ZIC2: variants seen among roughly 807,000 people sequenced by gnomAD.
The protein encoded by ZIC2 is Zic family zinc finger 2, also known as zinc finger protein ZIC 2.
A neutral mutation model predicts 29.5 loss-of-function variants in ZIC2; 7 were observed. The observed-to-expected ratio is 0.24, with a 90% CI of 0.14 to 0.45. ZIC2 has a LOEUF of 0.45. ZIC2 is among the 20% of genes least tolerant of loss of function. ZIC2 has a pLI of 1.00. For synonymous variants in ZIC2, 408 were observed against 354.2 expected, an observed-to-expected ratio of 1.15 and a Z score of -1.70; for missense variants, 589 against 781.2, an observed-to-expected ratio of 0.75 and a Z score of 2.93.
In ZIC2 at chr13:99,984,940, C is replaced by T. The variant is rs1566405631; in HGVS notation, c.1076-6C>T. ...TGCAGCCAGCGCCGATGTTTGCCGT[C>T]CACAGGGGAGAAGCCGTTCCAGTGT... On this transcript the variant is annotated splice_polypyrimidine_tract_variant and splice_region_variant and intron_variant, in intron 1 of 2. Transcript: ENST00000376335. The T allele has an allele frequency of 1.2e-6, 2 of 1,613,932 alleles. No homozygotes were observed. Among genetic ancestry groups the T allele is most frequent in the Admixed American group, 1.7e-5 (1 of 59,998 alleles).
chr13:99,985,601 C>T lies in ZIC2; in HGVS notation c.1518C>T (p.Gly506=), dbSNP rs1594292346. The T allele has an allele frequency of 8.8e-6, 8 of 905,232 alleles. No homozygotes were observed. Among genetic ancestry groups the T allele is most frequent in the East Asian group, 7.8e-5 (1 of 12,764 alleles). The allele number at this position is 905,232 out of a possible 1,614,324, so 56.1% of individuals were successfully genotyped here. The change falls in exon 3 of 3, where the codon GGC becomes GGT. Residue 506 remains glycine (G), a synonymous_variant. Transcript: ENST00000376335. This position sits in a 1 kb window ranked among gnomAD's most constrained non-coding sequence, Gnocchi z 6.3. ...GGGGGGAGGG[G]GGSSGGGSGT... is the part of the protein sequence containing the mutation. The stretch of plus-strand genomic sequence containing the variant: ...GCGGCGGCGGGGCGGGCGGCGGGGG[C>T]GGCGGCAGCTCTGGCGGGGGCAGCG...
chr13:99,985,667 T>A lies in ZIC2; in HGVS notation c.1584T>A (p.Asn528Lys). Residue 528 changes from asparagine (N) to lysine (K), a missense_variant, in exon 3 of 3, where the codon AAT (asparagine) becomes AAA (lysine). Asn to Lys is a moderately conservative substitution (Grantham distance 94, BLOSUM62 0). Coordinates refer to ENST00000376335, the MANE Select transcript of ZIC2 (RefSeq NM_007129.5). This position sits in a 1 kb window ranked among gnomAD's most constrained non-coding sequence, Gnocchi z 6.3. ...ACAGCGGCCTCTCCTCCAACTTCAA[T>A]GAATGGTACGTGTGACGGGTCGGGG... is the stretch of plus-strand genomic sequence containing the variant. ...GGHSGLSSNFNEWYV is the reference protein window; with the variant it reads ...GGHSGLSSNFKEWYV 1 of 1,321,318 alleles carries A rather than the reference T, an allele frequency of 7.6e-7. No homozygotes were observed. Among genetic ancestry groups the A allele is most frequent in the Non-Finnish European group, 9.9e-7 (1 of 1,013,028 alleles). The allele number at this position is 1,321,318 out of a possible 1,614,324, so 81.8% of individuals were successfully genotyped here.
Position 99,985,324 on chromosome 13 carries a change from T to C in ZIC2, c.1241T>C (p.Val414Ala), listed in dbSNP as rs1162307061. The C allele has an allele frequency of 1.3e-6, 2 of 1,598,132 alleles. No individual in the cohort carries two copies. The highest frequency in any genetic ancestry group is 2.7e-5 in the African/African-American group (2 of 74,848). Residue 414 changes from valine (V) to alanine (A), a missense_variant and splice_region_variant, in exon 3 of 3, where the codon GTC (valine) becomes GCC (alanine). Coordinates refer to ENST00000376335, the MANE Select transcript of ZIC2 (RefSeq NM_007129.5). The surrounding 1 kb of genome is among the most constrained non-coding windows in gnomAD (Gnocchi z 6.3). ...HPSSLRKHMK[V>A]HESSPQGSES... is the part of the protein sequence containing the mutation. Reference sequence around the variant, plus strand: ...CCCCTCCCGGCTTTTGTCTTGCAGGTCCATGAGTCCTCCCCGCAGGGCTCT... The same window carrying C: ...CCCCTCCCGGCTTTTGTCTTGCAGGCCCATGAGTCCTCCCCGCAGGGCTCT...
chr13:99,984,870 A>G (rs2053255611), intron 1 of ZIC2, 76 bp from the exon 2 acceptor site: 1 of 1,603,406 alleles, frequency 6.2e-7, no homozygotes, highest in Non-Finnish European at 8.5e-7. Flanking sequence ...GCCGCGGCCC[A>G]GCCCCCTCGC....
chr13:99,983,231 G>T lies in ZIC2; in HGVS notation c.1075+92G>T, dbSNP rs1224258086. 9.3e-6 allele frequency: 14 copies of T among 1,512,830 alleles called. No individual in the cohort carries two copies. The South Asian group carries it at 1.6e-4, about 18-fold the overall frequency. 93.7% of individuals were successfully genotyped at this position (1,512,830 alleles called of 1,614,324 possible). A position where few individuals can be genotyped will look rare whatever the true frequency, so the allele number is the denominator to read the frequency against. On this transcript the variant is annotated intron_variant, in intron 1 of 2. Transcript: ENST00000376335. This position sits in a 1 kb window ranked among gnomAD's most constrained non-coding sequence, Gnocchi z 4.7. Reference sequence around the variant, plus strand: ...TGGGTGCCGACGCTGGGCGCAGACCGCCAGCCGGGGACCTGGGATGGGAGG... The same window carrying T: ...TGGGTGCCGACGCTGGGCGCAGACCTCCAGCCGGGGACCTGGGATGGGAGG...
chr13:99,985,598 G>GGGCGGCGGC lies in ZIC2; in HGVS notation c.1516_1524dup (p.Gly506_Gly508dup), dbSNP rs2053263380. 9.6e-7 allele frequency: 1 copy of GGGCGGCGGC among 1,044,326 alleles called. No individual in the cohort carries two copies. Among genetic ancestry groups the GGGCGGCGGC allele is most frequent in the Admixed American group, 5.6e-5 (1 of 17,906 alleles). 64.7% of individuals were successfully genotyped at this position (1,044,326 alleles called of 1,614,324 possible). A position where few individuals can be genotyped will look rare whatever the true frequency, so the allele number is the denominator to read the frequency against. On this transcript the variant is annotated inframe_insertion, in exon 3 of 3. Coordinates refer to ENST00000376335, the MANE Select transcript of ZIC2 (RefSeq NM_007129.5). This position sits in a 1 kb window ranked among gnomAD's most constrained non-coding sequence, Gnocchi z 6.3. Reference sequence around the variant, plus strand: ...GGGGCGGCGGCGGGGCGGGCGGCGGGGGCGGCGGCAGCTCTGGCGGGGGCA... The same window carrying GGGCGGCGGC: ...GGGGCGGCGGCGGGGCGGGCGGCGGGGGCGGCGGCGGCGGCGGCAGCTCTGGCGGGGGCA...
rs554801676 is a variant in ZIC2, at chr13:99,982,616, C to T, written c.552C>T (p.Pro184=). The T allele has an allele frequency of 1.1e-4, 182 of 1,589,902 alleles. No homozygotes were observed. Among genetic ancestry groups the T allele is most frequent in the South Asian group, 5.7e-4 (51 of 89,792 alleles). The part of the protein sequence containing the change: ...VLNGQMRLGL[P]GEVFGRSEQY... ...ACGGGCAGATGCGCCTCGGGCTGCC[C>T]GGCGAGGTGTTCGGGCGCTCGGAGC... Residue 184 remains proline, a synonymous_variant, in exon 1 of 3, where the codon CCC becomes CCT. Transcript: ENST00000376335.
rs564858875 is a variant in ZIC2 at position 99,982,784 on chromosome 13, C to G, written c.720C>G (p.Pro240=). The G allele has an allele frequency of 3.1e-6, 5 of 1,608,528 alleles. No individual in the cohort carries two copies. The African/African-American group carries it at 4.0e-5, about 13-fold the overall frequency. Residue 240 remains proline (P), a synonymous_variant, in exon 1 of 3, where the codon CCC becomes CCG. Transcript: ENST00000376335. ...ACCACCACCACCACCACCACCACCC[C>G]GGTGCCTTTTTCCGCTATATGCGGC... ...AHHHHHHHHH[P]GAFFRYMRQQ...
At position 99,981,791 on chromosome 13, in the gene ZIC2, TCTCCTCCTCCACCTC is replaced by T; in HGVS notation, c.-263_-249del. The T allele has an allele frequency of 1.8e-6, 1 of 563,344 alleles. No homozygotes were observed. Among genetic ancestry groups the T allele is most frequent in the Non-Finnish European group, 2.9e-6 (1 of 345,922 alleles). The allele number at this position is 563,344 out of a possible 1,614,324, so 34.9% of individuals were successfully genotyped here. On this transcript the variant is annotated 5_prime_UTR_variant, in exon 1 of 3. Coordinates refer to ENST00000376335, the MANE Select transcript of ZIC2 (RefSeq NM_007129.5). ...GGTTCTCCGCCTGGCTTTGGACTCT[TCTCCTCCTCCACCTC>T]CTCCTCCTCCTCCCGCGCCGCCGCC...
rs374389316 is a variant in ZIC2, at chr13:99,983,027, C to A, written c.963C>A (p.Val321=). 5.6e-6 allele frequency: 9 copies of A among 1,614,054 alleles called. No homozygotes were observed. The highest frequency in any genetic ancestry group is 6.8e-6 in the Non-Finnish European group (8 of 1,180,044). Residue 321 remains valine, a synonymous_variant, in exon 1 of 3, where the codon GTC becomes GTA. Transcript: ENST00000376335. This position sits in a 1 kb window ranked among gnomAD's most constrained non-coding sequence, Gnocchi z 4.7. ...GKPFKAKYKL[V]NHIRVHTGEK... is the part of the protein sequence containing the mutation. ...CCTTCAAGGCCAAATACAAACTGGTCAACCACATCCGCGTGCACACAGGCG... is the reference window on the plus strand; with the variant it reads ...CCTTCAAGGCCAAATACAAACTGGTAAACCACATCCGCGTGCACACAGGCG...
intron 1 of ZIC2, chr13:99,984,487 G>A (rs1204533782): frequency 2.1e-5 from 5 of 236,706 alleles, no homozygotes; most frequent in Non-Finnish European, 4.2e-5. Flanking sequence ...TCCACAGCCC[G>A]GCCCCCAAAC....
rs1297320918 is a variant in ZIC2 at position 99,986,202 on chromosome 13, T to A, written c.*520T>A. On this transcript the variant is annotated 3_prime_UTR_variant, in exon 3 of 3. Transcript: ENST00000376335. ...TCTTTTTAGTTTACCCGGTTTCTTT[T>A]TAAGTAATGTGGAAGAAAATGGTTT... 1.6e-5 allele frequency: 5 copies of A among 312,160 alleles called. No individual in the cohort carries two copies. Among genetic ancestry groups the A allele is most frequent in the African/African-American group, 1.1e-4 (5 of 46,022 alleles). The allele number at this position is 312,160 out of a possible 1,614,324, so 19.3% of individuals were successfully genotyped here.
rs2053235775 is a variant in ZIC2, at chr13:99,982,040, G to T, written c.-25G>T. ...GAGGCGGCGCGGAGGCGCAGGGCTC[G>T]CAGGGGCGGGCGGGCGCGCTGGCCA... On this transcript the variant is annotated 5_prime_UTR_variant, in exon 1 of 3. Transcript: ENST00000376335. 2 of 1,224,880 alleles carry T rather than the reference G, an allele frequency of 1.6e-6. No homozygotes were observed. Among genetic ancestry groups the T allele is most frequent in the Non-Finnish European group, 1.0e-6 (1 of 985,064 alleles). The allele number at this position is 1,224,880 out of a possible 1,614,324, so 75.9% of individuals were successfully genotyped here.
intron 1 of ZIC2, chr13:99,984,634 T>C (rs1057346350): frequency 4.9e-6 from 2 of 408,336 alleles, no homozygotes; most frequent in African/African-American, 4.1e-5. Flanking sequence ...GAGCAACTTG[T>C]TAGAAGCTGC....
Position 99,985,587 on chromosome 13 carries a change from G to T in ZIC2, c.1504G>T (p.Ala502Ser). The T allele has an allele frequency of 9.8e-7, 1 of 1,015,652 alleles. No individual in the cohort carries two copies. Among genetic ancestry groups the T allele is most frequent in the Non-Finnish European group, 1.2e-6 (1 of 851,562 alleles). The allele number at this position is 1,015,652 out of a possible 1,614,324, so 62.9% of individuals were successfully genotyped here. ...GSGSGGGGGG[A>S]GGGGGGSSGG... ...CGGCAGTGGCGGGGGCGGCGGCGGG[G>T]CGGGCGGCGGGGGCGGCGGCAGCTC... Residue 502 changes from alanine (A) to serine (S), a missense_variant, in exon 3 of 3, where the codon GCG (alanine) becomes TCG (serine). Transcript: ENST00000376335. This position sits in a 1 kb window ranked among gnomAD's most constrained non-coding sequence, Gnocchi z 6.3.
intron 1 of ZIC2, chr13:99,984,441 C>T (rs2053252580): frequency 5.2e-6 from 1 of 193,296 alleles, no homozygotes; most frequent in Non-Finnish European, 1.1e-5. Flanking sequence ...ATTCAATTTG[C>T]AGAATTTTGG....
Position 99,982,077 on chromosome 13 carries a change from G to T in ZIC2, c.13G>T (p.Ala5Ser). ...GGGCGCGCTGGCCATGCTCCTGGAC[G>T]CGGGTCCGCAGTTCCCGGCCATCGG... MLLD[A>S]GPQFPAIGVG... is the part of the protein sequence containing the mutation. The change falls in exon 1 of 3, where the codon GCG (alanine) becomes TCG (serine). Residue 5 changes from alanine to serine, a missense_variant. Ala to Ser is a moderately conservative substitution (Grantham distance 99). This residue lies in a region of ZIC2 where 358 missense variants were observed against 382.0 expected (regional missense o/e 0.94). Transcript: ENST00000376335. 8.0e-7 allele frequency: 1 copy of T among 1,247,664 alleles called. No individual in the cohort carries two copies. Among genetic ancestry groups the T allele is most frequent in the East Asian group, 3.2e-5 (1 of 31,036 alleles). The allele number at this position is 1,247,664 out of a possible 1,614,324, so 77.3% of individuals were successfully genotyped here.
Position 99,982,421 on chromosome 13 carries a change from C to A in ZIC2, c.357C>A (p.Phe119Leu), listed in dbSNP as rs1488649300. The A allele has an allele frequency of 1.4e-6, 2 of 1,464,102 alleles. No individual in the cohort carries two copies. The highest frequency in any genetic ancestry group is 1.4e-5 in the South Asian group (1 of 72,198). 90.7% of individuals were successfully genotyped at this position (1,464,102 alleles called of 1,614,324 possible). A position where few individuals can be genotyped will look rare whatever the true frequency, so the allele number is the denominator to read the frequency against. Residue 119 changes from phenylalanine (F) to leucine (L), a missense_variant, in exon 1 of 3, where the codon TTC (phenylalanine) becomes TTA (leucine). Physicochemically the swap from Phe to Leu is conservative, Grantham distance 22 (BLOSUM62 0). This residue lies in a region of ZIC2 where 358 missense variants were observed against 382.0 expected (regional missense o/e 0.94). Coordinates refer to ENST00000376335, the MANE Select transcript of ZIC2 (RefSeq NM_007129.5). The stretch of plus-strand genomic sequence containing the variant: ...CGCCCTTCAACTCCACCCGGGACTT[C>A]CTGTTCCGCAGCCGCGGCTTCGGGG... Reference protein sequence around the residue: ...SGPPFNSTRDFLFRSRGFGDS... With the variant: ...SGPPFNSTRDLLFRSRGFGDS...
At chr13:99,984,181 T>C (rs2053250703) in intron 1 of ZIC2, 1 of 152,490 alleles carries the variant, frequency 6.6e-6, no homozygotes, top group African/African-American at 2.4e-5. Context: ...AACGGTCCCC[T>C]TTCCAAGTGG....
Sources: gnomAD v4.1 joint callset for allele counts on GRCh38, gnomAD v4.1.1 for gene constraint, gnomAD v4.1.1 regional missense constraint, Gnocchi (gnomAD v3.1) non-coding constraint, MANE v1.5 for transcripts, NCBI Gene and HGNC (gene_info 2026-07-23, HGNC 2026-07-21) for gene names.